Variants in ITPR1 observed in about 807,000 individuals in gnomAD.
ITPR1 encodes inositol 1,4,5-trisphosphate receptor type 1.
A neutral mutation model predicts 318.4 loss-of-function variants in ITPR1; 96 were observed. The observed-to-expected ratio is 0.30, with a 90% CI of 0.26 to 0.36. The LOEUF (loss-of-function observed/expected upper bound fraction) is 0.36, where lower values mean the gene tolerates loss of function less well. Ranked by LOEUF, ITPR1 falls within the 10% of genes least tolerant of loss-of-function variation. The pLI is 1.00. For synonymous variants in ITPR1, 1,312 were observed against 1,289.9 expected (o/e 1.02, Z -0.37); for missense variants, 2,440 against 3,460.2 (o/e 0.71, Z 7.40).
At chr3:4,713,810 G>A (rs1375304320) in intron 39 of ITPR1, among the ~76,000 whole-genome samples, 1 of 152,192 alleles carries the variant, frequency 6.6e-6, no homozygotes, top group Non-Finnish European at 1.5e-5. Context: ...GCTTGGAGAA[G>A]AGATGGCCTT....
intron 4 of ITPR1, among the ~76,000 whole-genome samples, chr3:4,565,619 T>C (rs1329312464): frequency 6.6e-6 from 1 of 152,174 alleles, no homozygotes; most frequent in East Asian, 1.9e-4. Context: ...CAGGAGAGTG[T>C]GTTCCCACAG....
intron 10 of ITPR1, among the ~76,000 whole-genome samples, chr3:4,647,054 C>T (rs1228130758): frequency 6.6e-6 from 1 of 152,064 alleles, no homozygotes; most frequent in Non-Finnish European, 1.5e-5. Flanking sequence ...CCAGAAGGTC[C>T]CTTGAGCCTC....
At chr3:4,516,345 A>C (rs1401416762) in intron 2 of ITPR1, 131 bp from the exon 3 acceptor site, 5 of 537,158 alleles carry the variant, frequency 9.3e-6, no homozygotes, top group Admixed American at 8.1e-5. Context: ...CCTGCCTGTC[A>C]AACTGTTATT....
At chr3:4,537,644 G>A (rs1439559751) in intron 4 of ITPR1, among the ~76,000 whole-genome samples, 1 of 152,222 alleles carries the variant, frequency 6.6e-6, no homozygotes, top group Non-Finnish European at 1.5e-5. Context: ...GAGTTAATAG[G>A]AGATGGGAGG....
intron 53 of ITPR1, among the ~76,000 whole-genome samples, chr3:4,798,847 A>G (rs1283507121): frequency 2.0e-5 from 3 of 152,234 alleles, no homozygotes; most frequent in Non-Finnish European, 2.9e-5. Context: ...ACCTGATAGG[A>G]TTATTTTCCC....
chr3:4,629,581 C>G (rs2092949597), intron 5 of ITPR1, among the ~76,000 whole-genome samples: 1 of 152,192 alleles, frequency 6.6e-6, no homozygotes, highest in South Asian at 2.1e-4. Context: ...GTGTCTGGCA[C>G]ATAGTAGGTG....
At chr3:4,582,177 C>G (rs778178052) in intron 4 of ITPR1, among the ~76,000 whole-genome samples, 3 of 152,142 alleles carry the variant, frequency 2.0e-5, no homozygotes, top group Non-Finnish European at 4.4e-5. Context: ...AGAAATCAAG[C>G]TCTGAGCTCA....
At chr3:4,681,966 G>A (rs1325332838) in intron 26 of ITPR1, among the ~76,000 whole-genome samples, 1 of 151,840 alleles carries the variant, frequency 6.6e-6, no homozygotes, top group African/African-American at 2.4e-5. Context: ...TATAATTATG[G>A]AACTCTTATA....
At chr3:4,829,429 G>A (rs997339336) in intron 60 of ITPR1, among the ~76,000 whole-genome samples, 4 of 150,956 alleles carry the variant, frequency 2.6e-5, no homozygotes, top group Non-Finnish European at 5.9e-5. Context: ...TCCGGGTATG[G>A]AATCCCATTT....
chr3:4,704,025 C>T (rs1009142175), intron 36 of ITPR1, among the ~76,000 whole-genome samples: 3 of 152,140 alleles, frequency 2.0e-5, no homozygotes, highest in East Asian at 1.9e-4. Flanking sequence ...AAATACCACA[C>T]GTTCTCACTT....
chr3:4,618,549 T>C (rs1175883063), intron 4 of ITPR1, among the ~76,000 whole-genome samples: 1 of 152,242 alleles, frequency 6.6e-6, no homozygotes, highest in Non-Finnish European at 1.5e-5. Context: ...CAAAGACATA[T>C]TGGAATTTTC....
rs140336552 is a variant in ITPR1, at chr3:4,659,354, C to T, written c.1151+1076C>T. On this transcript the variant is annotated intron_variant, in intron 13 of 61. Coordinates refer to ENST00000649015, the MANE Select transcript of ITPR1 (RefSeq NM_001378452.1). Reference sequence around the variant, plus strand: ...AGTATGTTTTATACATATCTCCAAGCGAATGAATATCAGTTGTCATTGTCT... The same window carrying T: ...AGTATGTTTTATACATATCTCCAAGTGAATGAATATCAGTTGTCATTGTCT... 5.3e-4 allele frequency among the ~76,000 whole-genome samples: 81 copies of T among 152,214 alleles called. No individual in the cohort carries two copies. In the East Asian group the frequency reaches 0.014, roughly 27 times the overall value.
Position 4,727,242 on chromosome 3 carries a change from C to T in ITPR1, c.5220+69C>T, listed in dbSNP as rs2042582753. ...GACCGTAACACCTCCATCAGCCACA[C>T]ACTGTGATTGAGAGACAGCTTTTGT... On this transcript the variant is annotated intron_variant, in intron 42 of 61. Coordinates refer to ENST00000649015, the MANE Select transcript of ITPR1 (RefSeq NM_001378452.1). 5 of 1,127,222 alleles carry T rather than the reference C, an allele frequency of 4.4e-6. No homozygotes were observed. In the South Asian group the frequency reaches 4.6e-5, roughly 10 times the overall value. The allele number at this position is 1,127,222 out of a possible 1,614,324, so 69.8% of individuals were successfully genotyped here.
Position 4,665,335 on chromosome 3 carries a change from C to A in ITPR1, c.1713+39C>A, listed in dbSNP as rs749338967. On this transcript the variant is annotated intron_variant, in intron 17 of 61. Coordinates refer to ENST00000649015, the MANE Select transcript of ITPR1 (RefSeq NM_001378452.1). ...ATTGGTGGGATGTGGTTGTCAGTTT[C>A]CTCCCTGAAGTTTGTGAACTTTCCT... 3.9e-5 allele frequency: 62 copies of A among 1,574,062 alleles called. No homozygotes were observed. In the South Asian group the frequency reaches 6.7e-4, roughly 17 times the overall value.
At position 4,645,483 on chromosome 3, in the gene ITPR1, C is replaced by T; in HGVS notation, c.708+13C>T. The T allele has an allele frequency of 6.2e-7, 1 of 1,607,722 alleles. No homozygotes were observed. Among genetic ancestry groups the T allele is most frequent in the Non-Finnish European group, 8.5e-7 (1 of 1,174,506 alleles). On this transcript the variant is annotated intron_variant, in intron 9 of 61. Coordinates refer to ENST00000649015, the MANE Select transcript of ITPR1 (RefSeq NM_001378452.1). ...CATATTAAAGGGGGTGAGTTTGATG[C>T]TTTATGGGCTGAGCATTACTTGGCT...
chr3:4,606,579 G>A (rs1180717248), intron 4 of ITPR1, among the ~76,000 whole-genome samples: 1 of 152,076 alleles, frequency 6.6e-6, no homozygotes, highest in Non-Finnish European at 1.5e-5. Context: ...CTGGAGGGGA[G>A]GCAGGGAGGG....
intron 4 of ITPR1, among the ~76,000 whole-genome samples, chr3:4,550,872 G>A (rs2085494950): frequency 6.6e-6 from 1 of 151,780 alleles, no homozygotes; most frequent in African/African-American, 2.4e-5. Flanking sequence ...GGTGACAGAG[G>A]CAGACCCTGT....
At chr3:4,708,805 A>G (rs3804992) in intron 37 of ITPR1, among the ~76,000 whole-genome samples, 57,845 of 152,108 alleles carry the variant, frequency 0.38, 13,409 homozygotes, top group Non-Finnish European at 0.54. Flanking sequence ...CTAGTGCAGC[A>G]AAAGTTGTAA....
intron 5 of ITPR1, among the ~76,000 whole-genome samples, chr3:4,631,349 C>T (rs886479723): frequency 2.0e-5 from 3 of 152,130 alleles, no homozygotes; most frequent in African/African-American, 7.2e-5. Context: ...GGTTAATCTG[C>T]GCATAATCCC....
Sources: allele counts gnomAD v4.1 joint callset (sites outside exome capture counted in the v4.1 genomes callset), GRCh38; gene constraint gnomAD v4.1.1; transcripts MANE v1.5; gene names NCBI Gene and HGNC (gene_info 2026-07-23, HGNC 2026-07-21).